The following NAV3 variants were observed in gnomAD, a reference collection of about 807,000 sequenced individuals.
The protein encoded by NAV3 is pore membrane and/or filament interacting like protein 1.
In NAV3, 87 loss-of-function variants were observed where a neutral mutation model predicts 244.7. The observed-to-expected ratio is 0.36, with a 90% confidence interval of 0.30 to 0.42. The LOEUF (loss-of-function observed/expected upper bound fraction) is 0.42. Among genes scored for constraint, NAV3 ranks in the 20% least tolerant of loss-of-function variants. NAV3 has a pLI of 1.00. For missense variants in NAV3, 2,663 were observed against 2,893.3 expected (o/e 0.92, Z 1.83); for synonymous variants, 1,126 against 1,042.2 (o/e 1.08, Z -1.55).
At chr12:77,902,929 C>T (rs981444625) in intron 1 of NAV3, among the ~76,000 whole-genome samples, 1 of 152,124 alleles carries the variant, frequency 6.6e-6, no homozygotes, top group African/African-American at 2.4e-5. Context: ...AGGAATCCAA[C>T]TTTCAAGGGA....
At chr12:78,006,072 T>C (rs570836139) in intron 7 of NAV3, among the ~76,000 whole-genome samples, 1 of 152,254 alleles carries the variant, frequency 6.6e-6, no homozygotes, top group South Asian at 2.1e-4. Flanking sequence ...TGGGCTACAG[T>C]GGTGGTTGGA....
At chr12:78,101,463 T>C (rs1954532580) in intron 12 of NAV3, among the ~76,000 whole-genome samples, 1 of 152,200 alleles carries the variant, frequency 6.6e-6, no homozygotes. Context: ...TAAACTGCTA[T>C]AAAAATCATT....
intron 1 of NAV3, among the ~76,000 whole-genome samples, chr12:77,890,729 A>G (rs1387094902): frequency 2.6e-5 from 4 of 152,216 alleles, no homozygotes; most frequent in Non-Finnish European, 5.9e-5. Flanking sequence ...TTAGAATTTA[A>G]AGTATGTAGA....
intron 2 of NAV3, among the ~76,000 whole-genome samples, chr12:77,645,412 GT>G (rs1235483433): frequency 1.3e-4 from 19 of 145,584 alleles, no homozygotes; most frequent in African/African-American, 5.2e-4. Flanking sequence ...TTCAAAGACA[GT>G]GTAAGAGGGT....
At chr12:77,598,132 G>A (rs1870253841) in intron 2 of NAV3, among the ~76,000 whole-genome samples, 2 of 152,120 alleles carry the variant, frequency 1.3e-5, no homozygotes, top group East Asian at 1.9e-4. Context: ...ATTGTTTTGA[G>A]AATGTTATCT....
chr12:77,662,807 A>G (rs1452586511), intron 2 of NAV3, among the ~76,000 whole-genome samples: 1 of 152,138 alleles, frequency 6.6e-6, no homozygotes, highest in Non-Finnish European at 1.5e-5. Context: ...GAAAAAAAAG[A>G]ACACAGAAAT....
chr12:78,036,854 TG>T (rs1192447456), intron 9 of NAV3: 1 of 677,054 alleles, frequency 1.5e-6, no homozygotes, highest in Non-Finnish European at 2.7e-6. Flanking sequence ...AAGGAGCCAC[TG>T]GAAGAATCAT....
chr12:77,774,546 TG>T (rs1870254210), intron 2 of NAV3, among the ~76,000 whole-genome samples: 1 of 152,036 alleles, frequency 6.6e-6, no homozygotes, highest in South Asian at 2.1e-4. Context: ...CCCTCTAGAT[TG>T]GGGATTATGA....
At chr12:77,719,830 C>T (rs997322965) in intron 2 of NAV3, among the ~76,000 whole-genome samples, 1 of 151,976 alleles carries the variant, frequency 6.6e-6, no homozygotes, top group African/African-American at 2.4e-5. Context: ...GGAAGTGTTT[C>T]CTCCTTTTAA....
chr12:78,119,122 A>G (rs1955552054), intron 14 of NAV3, 115 bp from the exon 15 acceptor site: 3 of 1,102,048 alleles, frequency 2.7e-6, no homozygotes. Context: ...CTAAGACAAT[A>G]CATTTAGGAA....
intron 12 of NAV3, among the ~76,000 whole-genome samples, chr12:78,060,852 T>A (rs1366934893): frequency 6.6e-6 from 1 of 152,136 alleles, no homozygotes; most frequent in Admixed American, 6.6e-5. Context: ...GGAGGGAATA[T>A]CTGCTAGTTT....
chr12:77,785,836 A>G (rs561679496), intron 2 of NAV3, among the ~76,000 whole-genome samples: 2 of 152,212 alleles, frequency 1.3e-5, no homozygotes, highest in Non-Finnish European at 2.9e-5. Flanking sequence ...TGCAAATGAC[A>G]TGCTTTGGAA....
At position 78,211,505 on chromosome 12, in the gene NAV3, A is replaced by T. The variant is rs377436473; in HGVS notation, c.*988A>T. On this transcript the variant is annotated 3_prime_UTR_variant, in exon 40 of 40. Coordinates refer to ENST00000397909, the MANE Select transcript of NAV3 (RefSeq NM_001024383.2). ...TTTTTTGAAGAAATGGATAGGAGAA[A>T]GATCAGTATTTTTAGCCTTGTGAAT... The T allele has an allele frequency of 6.6e-6, 1 of 150,466 alleles. No individual in the cohort carries two copies. 9.3% of individuals were successfully genotyped at this position (150,466 alleles called of 1,614,324 possible).
At chr12:77,622,534 ATTT>A (rs529338324) in intron 2 of NAV3, among the ~76,000 whole-genome samples, 2,461 of 90,636 alleles carry the variant, frequency 0.027, 70 homozygotes, top group African/African-American at 0.092. Context: ...ATCCATATGG[ATTT>A]TTTTTTTTTT....
At chr12:77,954,878 G>A (rs544987964) in intron 3 of NAV3, among the ~76,000 whole-genome samples, 8 of 152,230 alleles carry the variant, frequency 5.3e-5, no homozygotes, top group African/African-American at 1.9e-4. Context: ...ATCTATGTAT[G>A]TACTGTGTGG....
rs187740566 is a variant in NAV3, at chr12:78,160,450, G to T, written c.4869+1164G>T. ...ATGAAAACTGTAAATGTGCATAAAT[G>T]ATCAGGTGTCCAGAGCTTTCATCTA... is the stretch of plus-strand genomic sequence containing the variant. On this transcript the variant is annotated intron_variant, in intron 23 of 39. Transcript: ENST00000397909. Among the ~76,000 whole-genome samples, 23 of 149,492 alleles carry T rather than the reference G, an allele frequency of 1.5e-4. No individual in the cohort carries two copies. In the East Asian group the frequency reaches 3.8e-3, roughly 24 times the overall value.
intron 2 of NAV3, among the ~76,000 whole-genome samples, chr12:77,600,568 A>T (rs1870380490): frequency 6.6e-6 from 1 of 152,088 alleles, no homozygotes; most frequent in South Asian, 2.1e-4. Context: ...AGAGAAGAGA[A>T]CTCATCAGAA....
chr12:77,896,261 A>T (rs975932814), intron 1 of NAV3, among the ~76,000 whole-genome samples: 1 of 152,196 alleles, frequency 6.6e-6, no homozygotes, highest in African/African-American at 2.4e-5. Flanking sequence ...CTGCCTGCAC[A>T]TCATAACCAG....
chr12:77,944,074 C>T (rs1890110854), intron 3 of NAV3, among the ~76,000 whole-genome samples: 1 of 152,088 alleles, frequency 6.6e-6, no homozygotes, highest in Admixed American at 6.6e-5. Context: ...AGATAAATAA[C>T]AGCAACAGTT....
Sources: gnomAD v4.1 joint callset for allele counts (sites outside exome capture counted in the v4.1 genomes callset) on GRCh38, gnomAD v4.1.1 for gene constraint, MANE v1.5 for transcripts, NCBI Gene and HGNC (gene_info 2026-07-23, HGNC 2026-07-21) for gene names.